The following ANK3 variants were observed in gnomAD, a reference collection of about 807,000 sequenced individuals.
ANK3 encodes the protein ankyrin 3.
A neutral mutation model predicts 370.9 loss-of-function variants in ANK3; 57 were observed. That is an observed-to-expected ratio of 0.15 (90% CI 0.12 to 0.19). ANK3 has a LOEUF of 0.19. Among genes scored for constraint, ANK3 ranks in the 10% least tolerant of loss-of-function variants. ANK3 has a pLI of 1.00. For synonymous variants in ANK3, 1,929 were observed against 1,946.3 expected, an observed-to-expected ratio of 0.99 and a Z score of 0.23; for missense variants, 4,439 against 5,302.1, an observed-to-expected ratio of 0.84 and a Z score of 5.06.
intron 1 of ANK3, among the ~76,000 whole-genome samples, chr10:60,729,268 T>C (rs1290602754): frequency 1.3e-5 from 2 of 152,034 alleles, no homozygotes; most frequent in Admixed American, 1.3e-4. Flanking sequence ...CTATAAAGCA[T>C]CATGACATGA....
chr10:60,099,900 C>T (rs1479274990), intron 28 of ANK3, among the ~76,000 whole-genome samples: 1 of 151,866 alleles, frequency 6.6e-6, no homozygotes, highest in Non-Finnish European at 1.5e-5. Context: ...CCTCGTGGAC[C>T]TGCTTCACTG....
chr10:60,585,658 A>G (rs1487983140), intron 2 of ANK3, among the ~76,000 whole-genome samples: 1 of 152,182 alleles, frequency 6.6e-6, no homozygotes, highest in Non-Finnish European at 1.5e-5. Flanking sequence ...ACCTTGACAG[A>G]CCTTTGAGTG....
intron 2 of ANK3, among the ~76,000 whole-genome samples, chr10:60,543,190 G>T (rs1018915532): frequency 1.3e-5 from 2 of 151,888 alleles, no homozygotes; most frequent in African/African-American, 4.8e-5. Context: ...AGGGAAAAAA[G>T]ATGTCCCATA....
At chr10:60,178,486 A>G (rs549194886) in intron 18 of ANK3, among the ~76,000 whole-genome samples, 26 of 152,330 alleles carry the variant, frequency 1.7e-4, no homozygotes, top group African/African-American at 6.3e-4. Flanking sequence ...AGCACTTAGA[A>G]TAGTACCCGG....
intron 23 of ANK3, among the ~76,000 whole-genome samples, chr10:60,141,559 C>CTG (rs567165924): frequency 3.3e-5 from 2 of 61,164 alleles, no homozygotes; most frequent in Non-Finnish European, 5.7e-5. Context: ...ATTTCAATTG[C>CTG]TGTTTTTTTT....
intron 1 of ANK3, among the ~76,000 whole-genome samples, chr10:60,658,217 C>T (rs994982652): frequency 2.7e-5 from 4 of 150,244 alleles, no homozygotes; most frequent in African/African-American, 7.4e-5. Flanking sequence ...TTTAGGTTTG[C>T]CTTTTAAAAA....
At position 60,070,714 on chromosome 10, in the gene ANK3, G is replaced by A; in HGVS notation, c.10167C>T (p.Asp3389=). The A allele has an allele frequency of 6.2e-7, 1 of 1,614,174 alleles. No homozygotes were observed. Among genetic ancestry groups the A allele is most frequent in the Non-Finnish European group, 8.5e-7 (1 of 1,180,014 alleles). ...CAATGGAACACTCTGTGATGGACTG[G>A]TCGTTGTTCCCATTCTGGGCAATTT... The part of the protein sequence containing the change: ...QNEIAQNGNN[D]QSITECSIAT... Residue 3389 remains aspartate, a synonymous_variant, in exon 37 of 44, where the codon GAC becomes GAT. Transcript: ENST00000280772. The surrounding 1 kb of genome is among the most constrained non-coding windows in gnomAD (Gnocchi z 5.7).
intron 1 of ANK3, among the ~76,000 whole-genome samples, chr10:60,643,024 T>G (rs2078657874): frequency 6.6e-6 from 1 of 152,170 alleles, no homozygotes; most frequent in South Asian, 2.1e-4. Flanking sequence ...ATTTTGAGAT[T>G]TTTTTCAATA....
rs60224309 is a variant in ANK3, at chr10:60,400,009, AGTGTGTGTGTGTGTGTGTGTGT to A, written c.97-120392_97-120371del. Among the ~76,000 whole-genome samples the A allele has an allele frequency of 5.1e-3, 742 of 145,978 alleles. 8 individuals carry two copies. The highest frequency in any genetic ancestry group is 0.037 in the South Asian group (164 of 4,492). The stretch of plus-strand genomic sequence containing the variant: ...AAATATAAATCAAAACCTCCAATAC[AGTGTGTGTGTGTGTGTGTGTGT>A]GTGTGTGTGTGTGTGTGTGTGTGCA... On this transcript the variant is annotated intron_variant, in intron 2 of 43. Coordinates refer to the ANK3 transcript ENST00000373827.
intron 2 of ANK3, among the ~76,000 whole-genome samples, chr10:60,582,148 C>A (rs2077763461): frequency 1.3e-5 from 2 of 152,040 alleles, no homozygotes; most frequent in South Asian, 4.1e-4. Flanking sequence ...GGAGGGATAG[C>A]ATTAGGAGAA....
chr10:60,088,213 T>C lies in ANK3; in HGVS notation c.3474A>G (p.Thr1158=), dbSNP rs369324268. 5.6e-6 allele frequency: 9 copies of C among 1,614,100 alleles called. No individual in the cohort carries two copies. Among genetic ancestry groups the C allele is most frequent in the Non-Finnish European group, 7.6e-6 (9 of 1,180,034 alleles). The change falls in exon 29 of 44, where the codon ACA becomes ACG. Residue 1158 remains threonine, a synonymous_variant. Coordinates refer to ENST00000280772, the MANE Select transcript of ANK3 (RefSeq NM_020987.5). ...GPEGGILSST[T]VPLVQASFPE... ...GGAAAGATGCTTGAACAAGGGGCAC[T>C]GTGGTGCTGCTCAGAATTCCACCTT...
At chr10:60,308,566 G>A (rs970942414) in intron 1 of ANK3, among the ~76,000 whole-genome samples, 1 of 152,096 alleles carries the variant, frequency 6.6e-6, no homozygotes, top group Non-Finnish European at 1.5e-5. Context: ...GTGAACCACT[G>A]TGCCTGGCCG....
intron 2 of ANK3, chr10:60,572,426 A>C (rs972246416): frequency 1.6e-5 from 24 of 1,525,444 alleles, no homozygotes; most frequent in Admixed American, 6.0e-5. Flanking sequence ...CCAGAGCCAG[A>C]GAACAATGAA....
intron 1 of ANK3, among the ~76,000 whole-genome samples, chr10:60,669,414 A>T (rs2079038701): frequency 6.6e-6 from 1 of 152,146 alleles, no homozygotes; most frequent in African/African-American, 2.4e-5. Flanking sequence ...AAACACTCCA[A>T]CTTTCAGAGG....
chr10:60,092,523 T>A (rs1293147858), intron 28 of ANK3, among the ~76,000 whole-genome samples: 2 of 152,122 alleles, frequency 1.3e-5, no homozygotes, highest in Non-Finnish European at 2.9e-5. Context: ...ATTTAAAAAA[T>A]GAGCCACCAA....
At chr10:60,458,472 C>G (rs1358743632) in intron 2 of ANK3, among the ~76,000 whole-genome samples, 1 of 152,038 alleles carries the variant, frequency 6.6e-6, no homozygotes, top group Non-Finnish European at 1.5e-5. Flanking sequence ...GAGGAAGAAA[C>G]AGGCAAATAC....
intron 1 of ANK3, among the ~76,000 whole-genome samples, chr10:60,285,674 T>C (rs1322159408): frequency 1.3e-5 from 2 of 152,052 alleles, no homozygotes; most frequent in East Asian, 3.9e-4. Flanking sequence ...CTCCCACTAT[T>C]CTCTCTAAGC....
intron 1 of ANK3, among the ~76,000 whole-genome samples, chr10:60,693,539 G>A (rs1375630221): frequency 1.2e-4 from 18 of 152,234 alleles, no homozygotes; most frequent in Non-Finnish European, 7.3e-5. Flanking sequence ...CTCCCAGTAT[G>A]CAGCTGGAGA....
At chr10:60,078,655 G>A (rs2084374075) in intron 36 of ANK3, among the ~76,000 whole-genome samples, 1 of 152,130 alleles carries the variant, frequency 6.6e-6, no homozygotes, top group African/African-American at 2.4e-5. Context: ...TTATAAGAGG[G>A]AATTTCTGGA....
Sources: allele counts gnomAD v4.1 joint callset (sites outside exome capture counted in the v4.1 genomes callset), GRCh38; gene constraint gnomAD v4.1.1; non-coding constraint Gnocchi (gnomAD v3.1); transcripts MANE v1.5; gene names NCBI Gene and HGNC (gene_info 2026-07-23, HGNC 2026-07-21).